Variants in BNC2 observed in about 807,000 individuals in gnomAD.
The protein encoded by BNC2 is zinc finger protein basonuclin-2.
BNC2 carries 20 observed loss-of-function variants against 76.3 expected under a neutral mutation model. The observed-to-expected ratio is 0.26, with a 90% CI of 0.18 to 0.38. The LOEUF is 0.38. Among genes scored for constraint, BNC2 ranks in the 10% least tolerant of loss-of-function variants. The pLI is 1.00. For synonymous variants in BNC2, 582 were observed against 514.8 expected, an observed-to-expected ratio of 1.13 and a Z score of -1.77; for missense variants, 1,382 against 1,399.8, an observed-to-expected ratio of 0.99 and a Z score of 0.20.
At chr9:16,490,417 C>T (rs995754421) in intron 5 of BNC2, among the ~76,000 whole-genome samples, 4 of 152,152 alleles carry the variant, frequency 2.6e-5, no homozygotes, top group African/African-American at 9.7e-5. Flanking sequence ...TCCCACAACA[C>T]GTGGGAATTC....
At chr9:16,659,147 C>CA (rs1563884058) in intron 3 of BNC2, among the ~76,000 whole-genome samples, 2 of 150,130 alleles carry the variant, frequency 1.3e-5, no homozygotes, top group East Asian at 2.0e-4. Context: ...AGATGGATGG[C>CA]GGGGGGGGGC....
chr9:16,765,055 G>A (rs1293120783), intron 1 of BNC2, among the ~76,000 whole-genome samples: 1 of 152,164 alleles, frequency 6.6e-6, no homozygotes, highest in Non-Finnish European at 1.5e-5. Context: ...TTAGGAAGAA[G>A]TAACAACTCT....
rs140568900 is a variant in BNC2, at chr9:16,804,497, C to T, written c.4-66012G>A. On this transcript the variant is annotated intron_variant, in intron 1 of 6. Transcript: ENST00000380672. ...GATGCTCACAAGCACATATGCTGGA[C>T]ATGAGATATATGCCTCAGCACATGA... Among the ~76,000 whole-genome samples, 7 of 152,332 alleles carry T rather than the reference C, an allele frequency of 4.6e-5. No homozygotes were observed. The East Asian group carries it at 1.4e-3, about 29-fold the overall frequency.
intron 1 of BNC2, among the ~76,000 whole-genome samples, chr9:16,809,522 T>C (rs1028168837): frequency 4.6e-5 from 7 of 152,180 alleles, no homozygotes; most frequent in South Asian, 4.1e-4. Flanking sequence ...CAGCTTTCAA[T>C]AGGTCAAACG....
rs184629811 is a variant in BNC2, at chr9:16,413,481, G to A, written c.*5508C>T. 6.6e-6 allele frequency: 1 copy of A among 152,068 alleles called. No homozygotes were observed. The highest frequency in any genetic ancestry group is 1.9e-4 in the East Asian group (1 of 5,166). The allele number at this position is 152,068 out of a possible 1,614,324, so 9.4% of individuals were successfully genotyped here. ...TTTTTCAACAAATGCCAAAAAGACAGTATGCCGAATAACATAGTTATTGCC... is the reference window on the plus strand; with the variant it reads ...TTTTTCAACAAATGCCAAAAAGACAATATGCCGAATAACATAGTTATTGCC... On this transcript the variant is annotated 3_prime_UTR_variant, in exon 7 of 7. Transcript: ENST00000380672.
chr9:16,481,296 C>T (rs1317912395), intron 5 of BNC2, among the ~76,000 whole-genome samples: 2 of 152,054 alleles, frequency 1.3e-5, no homozygotes, highest in African/African-American at 2.4e-5. Context: ...GCAGGCTGCC[C>T]GAGCCAGCAG....
intron 5 of BNC2, among the ~76,000 whole-genome samples, chr9:16,514,812 T>G (rs1341077204): frequency 6.6e-6 from 1 of 152,232 alleles, no homozygotes; most frequent in Non-Finnish European, 1.5e-5. Context: ...AAAAAACACT[T>G]TCACATGGAG....
chr9:16,760,949 A>G (rs577321375), intron 1 of BNC2, among the ~76,000 whole-genome samples: 2 of 152,302 alleles, frequency 1.3e-5, no homozygotes, highest in East Asian at 3.9e-4. Flanking sequence ...ATCCCCACTT[A>G]AGAATTTTCA....
intron 3 of BNC2, among the ~76,000 whole-genome samples, chr9:16,676,171 A>C (rs150099070): frequency 6.0e-4 from 91 of 152,252 alleles, no homozygotes; most frequent in African/African-American, 2.0e-3. Flanking sequence ...AAACAAAAGA[A>C]TTTTTCTTTT....
chr9:16,804,830 G>A (rs184397144), intron 1 of BNC2, among the ~76,000 whole-genome samples: 22 of 152,208 alleles, frequency 1.4e-4, no homozygotes, highest in Admixed American at 1.1e-3. Context: ...TTGGGAGGCC[G>A]AGGCAGGCGG....
At chr9:16,834,391 ACTC>A (rs1818653815) in intron 1 of BNC2, among the ~76,000 whole-genome samples, 1 of 152,108 alleles carries the variant, frequency 6.6e-6, no homozygotes, top group African/African-American at 2.4e-5. Flanking sequence ...GCCACTTAAT[ACTC>A]CTCCTTTCCC....
At chr9:16,840,817 G>A (rs1818806122) in intron 1 of BNC2, among the ~76,000 whole-genome samples, 2 of 152,126 alleles carry the variant, frequency 1.3e-5, no homozygotes, top group African/African-American at 4.8e-5. Flanking sequence ...CATCAGAGAA[G>A]GGTTACCACA....
intron 5 of BNC2, among the ~76,000 whole-genome samples, chr9:16,479,626 G>A (rs1321098486): frequency 1.3e-5 from 2 of 152,134 alleles, no homozygotes; most frequent in African/African-American, 4.8e-5. Flanking sequence ...ATGTATCATT[G>A]ATCAGCATAA....
At chr9:16,848,432 A>T (rs780699399) in intron 1 of BNC2, among the ~76,000 whole-genome samples, 1 of 152,256 alleles carries the variant, frequency 6.6e-6, no homozygotes, top group Non-Finnish European at 1.5e-5. Flanking sequence ...AATGCAAAAC[A>T]GCTAGACGTT....
chr9:16,727,551 A>G (rs1461162784), intron 3 of BNC2: 1 of 517,496 alleles, frequency 1.9e-6, no homozygotes, highest in East Asian at 3.3e-5. Flanking sequence ...AAACTTTTCA[A>G]CAATGTCTCT....
rs142466214 is a variant in BNC2, at chr9:16,758,999, C to T, written c.4-20514G>A. 8.4e-3 allele frequency among the ~76,000 whole-genome samples: 1,279 copies of T among 152,234 alleles called. 9 individuals are homozygous for T. The highest frequency in any genetic ancestry group is 0.017 in the Middle Eastern group (5 of 294). ...CATGTTTTTGTTATAAACACAGATT[C>T]CTAAGGAAATTTGTTCTGATTTTTA... On this transcript the variant is annotated intron_variant, in intron 1 of 6. Transcript: ENST00000380672.
Position 16,722,791 on chromosome 9 carries a change from T to C in BNC2, c.330+5006A>G, listed in dbSNP as rs1824197195. ...ACGTTTACATGTACATAGAATACCA[T>C]ATATATAAACTGTTACTTTCCCACT... On this transcript the variant is annotated intron_variant, in intron 3 of 6. Transcript: ENST00000380672. Among the ~76,000 whole-genome samples the C allele has an allele frequency of 1.3e-5, 2 of 152,148 alleles. 1 individual carries two copies. Among genetic ancestry groups the C allele is most frequent in the South Asian group, 4.1e-4 (2 of 4,826 alleles).
intron 5 of BNC2, among the ~76,000 whole-genome samples, chr9:16,445,791 T>C (rs1173488037): frequency 1.3e-5 from 2 of 152,194 alleles, no homozygotes; most frequent in Admixed American, 1.3e-4. Flanking sequence ...CAAACTGCCT[T>C]TGTCATGAAG....
intron 2 of BNC2, among the ~76,000 whole-genome samples, chr9:16,737,554 T>TC (rs1292744220): frequency 2.0e-5 from 3 of 150,766 alleles, no homozygotes; most frequent in Non-Finnish European, 4.4e-5. Context: ...CTGGCTTTTT[T>TC]TTTTTTTTAA....
Sources: allele counts gnomAD v4.1 joint callset (sites outside exome capture counted in the v4.1 genomes callset), GRCh38; gene constraint gnomAD v4.1.1; transcripts MANE v1.5; gene names NCBI Gene and HGNC (gene_info 2026-07-23, HGNC 2026-07-21).